The following SGCZ variants were observed in gnomAD, a reference collection of about 807,000 sequenced individuals.
SGCZ encodes the protein zeta-sarcoglycan.
SGCZ carries 40 observed loss-of-function variants against 41.3 expected under a neutral mutation model. That is an observed-to-expected ratio of 0.97 (90% CI 0.75 to 1.26). The LOEUF (loss-of-function observed/expected upper bound fraction) is 1.26. SGCZ is among the 50% of genes most tolerant of loss of function. The pLI is 0.00. For synonymous variants in SGCZ, 206 were observed against 137.5 expected (o/e 1.50, Z -3.49); for missense variants, 552 against 369.8 (o/e 1.49, Z -4.04).
intron 4 of SGCZ, among the ~76,000 whole-genome samples, chr8:14,182,134 C>G (rs1804748271): frequency 6.6e-6 from 1 of 152,154 alleles, no homozygotes; most frequent in Admixed American, 6.5e-5. Context: ...TTCTTCCTCT[C>G]ATACTCTACT....
intron 2 of SGCZ, among the ~76,000 whole-genome samples, chr8:14,511,280 T>G (rs73664369): frequency 6.6e-6 from 1 of 151,960 alleles, no homozygotes; most frequent in South Asian, 2.1e-4. Flanking sequence ...TATTTAATAA[T>G]AAAAATTGTC....
chr8:14,275,030 T>G (rs978805679), intron 3 of SGCZ, among the ~76,000 whole-genome samples: 5 of 152,168 alleles, frequency 3.3e-5, no homozygotes, highest in Non-Finnish European at 7.4e-5. Context: ...AATTTTAGAA[T>G]TTAATATCAG....
intron 1 of SGCZ, among the ~76,000 whole-genome samples, chr8:14,937,455 TCCAATG>T (rs1401243424): frequency 6.6e-6 from 1 of 152,006 alleles, no homozygotes; most frequent in Non-Finnish European, 1.5e-5. Flanking sequence ...CTCAAATGAT[TCCAATG>T]CCTTCATAAG....
chr8:14,588,063 A>G (rs1805118268), intron 1 of SGCZ, among the ~76,000 whole-genome samples: 1 of 152,116 alleles, frequency 6.6e-6, no homozygotes, highest in Non-Finnish European at 1.5e-5. Context: ...TTATACACAT[A>G]TATATTTCAA....
chr8:14,390,504 C>CAGAGG (rs1373766822), intron 2 of SGCZ, among the ~76,000 whole-genome samples: 34 of 151,464 alleles, frequency 2.2e-4, no homozygotes, highest in Admixed American at 7.9e-4. Context: ...GGATAAATTC[C>CAGAGG]ATAAGGAACA....
chr8:14,841,409 G>A (rs1292565924), intron 1 of SGCZ, among the ~76,000 whole-genome samples: 1 of 151,998 alleles, frequency 6.6e-6, no homozygotes, highest in Non-Finnish European at 1.5e-5. Context: ...TGTAATGGGA[G>A]GATTCATAGT....
intron 1 of SGCZ, among the ~76,000 whole-genome samples, chr8:14,574,476 T>C (rs1804650100): frequency 6.6e-6 from 1 of 152,156 alleles, no homozygotes; most frequent in Non-Finnish European, 1.5e-5. Context: ...AGAGGGATCC[T>C]GCCATGTACC....
chr8:14,751,640 C>T (rs987843096), intron 1 of SGCZ, among the ~76,000 whole-genome samples: 2 of 152,018 alleles, frequency 1.3e-5, no homozygotes, highest in African/African-American at 2.4e-5. Context: ...TTAATACGGG[C>T]CTAGCATTTA....
chr8:14,778,485 G>A (rs910211371), intron 1 of SGCZ, among the ~76,000 whole-genome samples: 1 of 151,836 alleles, frequency 6.6e-6, no homozygotes. Context: ...AAAAGCATGG[G>A]AATTACTGCA....
intron 2 of SGCZ, among the ~76,000 whole-genome samples, chr8:14,362,119 C>G (rs1246975369): frequency 1.3e-5 from 2 of 152,144 alleles, no homozygotes; most frequent in Non-Finnish European, 2.9e-5. Context: ...GGAGGTGTCT[C>G]CCAGTCAGGC....
At chr8:15,077,574 T>C (rs1805583673) in intron 1 of SGCZ, among the ~76,000 whole-genome samples, 1 of 152,190 alleles carries the variant, frequency 6.6e-6, no homozygotes, top group Non-Finnish European at 1.5e-5. Flanking sequence ...CCATTTATCA[T>C]TTCCATTATA....
chr8:14,888,086 T>C (rs190733810), intron 1 of SGCZ, among the ~76,000 whole-genome samples: 266 of 152,262 alleles, frequency 1.7e-3, no homozygotes, highest in Non-Finnish European at 3.0e-3. Context: ...CCTAAATATA[T>C]ATAATTTGTC....
At chr8:14,999,145 T>C (rs1802319613) in intron 1 of SGCZ, among the ~76,000 whole-genome samples, 1 of 152,202 alleles carries the variant, frequency 6.6e-6, no homozygotes, top group African/African-American at 2.4e-5. Context: ...GTGTGAATGT[T>C]TCCATGTAGC....
At chr8:15,075,747 C>T (rs959106842) in intron 1 of SGCZ, among the ~76,000 whole-genome samples, 3 of 152,064 alleles carry the variant, frequency 2.0e-5, no homozygotes, top group Non-Finnish European at 2.9e-5. Context: ...GTATTACATG[C>T]CAAAGAGACA....
intron 4 of SGCZ, among the ~76,000 whole-genome samples, chr8:14,192,945 T>C (rs1805151037): frequency 1.3e-5 from 2 of 152,030 alleles, no homozygotes; most frequent in Admixed American, 6.6e-5. Context: ...TATTCAAAGG[T>C]ATGATTAAAT....
In SGCZ at chr8:14,086,872, G is replaced by A. The variant is rs542587883; in HGVS notation, c.*3571C>T. 2.6e-5 allele frequency among the ~76,000 whole-genome samples: 4 copies of A among 151,760 alleles called. No individual in the cohort carries two copies. In the South Asian group the frequency reaches 6.2e-4, roughly 24 times the overall value. On this transcript the variant is annotated 3_prime_UTR_variant, in exon 8 of 8. Coordinates refer to ENST00000382080, the MANE Select transcript of SGCZ (RefSeq NM_139167.4). ...TGGCTACTTAACCTAAGATTTATGA[G>A]TGCTTCCTTAACTGAATCAGAAAAA...
chr8:14,896,717 T>C (rs1295828579), intron 1 of SGCZ, among the ~76,000 whole-genome samples: 2 of 151,996 alleles, frequency 1.3e-5, no homozygotes, highest in African/African-American at 2.4e-5. Flanking sequence ...CCTCCAGTGA[T>C]AAACCTGCCT....
chr8:15,172,168 T>TA (rs979047830), intron 1 of SGCZ, among the ~76,000 whole-genome samples: 1 of 129,656 alleles, frequency 7.7e-6, no homozygotes, highest in Non-Finnish European at 1.6e-5. Flanking sequence ...TTTTTTTTTT[T>TA]TTTTTTTTTT....
At chr8:14,338,243 C>T (rs1324846197) in intron 2 of SGCZ, among the ~76,000 whole-genome samples, 1 of 152,174 alleles carries the variant, frequency 6.6e-6, no homozygotes, top group Non-Finnish European at 1.5e-5. Context: ...GGAGCTGGGT[C>T]ATGCCACAAG....
Sources: allele counts gnomAD v4.1 joint callset (sites outside exome capture counted in the v4.1 genomes callset), GRCh38; gene constraint gnomAD v4.1.1; transcripts MANE v1.5; gene names NCBI Gene and HGNC (gene_info 2026-07-23, HGNC 2026-07-21).